The following GLIS3 variants were observed in gnomAD, a reference collection of about 807,000 sequenced individuals.
GLIS3 encodes the protein zinc finger protein GLIS3.
A neutral mutation model predicts 78.6 loss-of-function variants in GLIS3; 53 were observed. The observed-to-expected ratio is 0.67, with a 90% CI of 0.54 to 0.85. GLIS3 has a LOEUF of 0.85. Ranked by LOEUF, GLIS3 falls within the 40% of genes least tolerant of loss-of-function variation. GLIS3 has a pLI of 0.00. For synonymous variants in GLIS3, 684 were observed against 509.9 expected (o/e 1.34, Z -4.60); for missense variants, 1,703 against 1,231.1 (o/e 1.38, Z -5.74).
intron 2 of GLIS3, among the ~76,000 whole-genome samples, chr9:4,316,586 T>C (rs1429615137): frequency 6.6e-6 from 1 of 152,190 alleles, no homozygotes; most frequent in East Asian, 1.9e-4. Context: ...TTTCCACCCA[T>C]ACCCCAAAGT....
At chr9:4,183,401 T>C (rs1817500583) in intron 2 of GLIS3, among the ~76,000 whole-genome samples, 2 of 152,204 alleles carry the variant, frequency 1.3e-5, no homozygotes, top group African/African-American at 4.8e-5. Flanking sequence ...TAATAGATAT[T>C]CTGAGCAAAG....
At chr9:4,256,930 G>A (rs78652854) in intron 2 of GLIS3, among the ~76,000 whole-genome samples, 5,977 of 152,186 alleles carry the variant, frequency 0.039, 347 homozygotes, top group African/African-American at 0.13. Context: ...CAATAGCCAC[G>A]ATATTGAAAC....
the GLIS3 span, among the ~76,000 whole-genome samples, chr9:4,372,981 G>A: frequency 2.0e-5 from 3 of 152,178 alleles, no homozygotes; most frequent in Non-Finnish European, 2.9e-5. Flanking sequence ...ATTGGTACTA[G>A]TAGGTACTGC....
At chr9:4,193,296 T>G (rs1172049029) in intron 2 of GLIS3, among the ~76,000 whole-genome samples, 1 of 152,224 alleles carries the variant, frequency 6.6e-6, no homozygotes, top group Non-Finnish European at 1.5e-5. Flanking sequence ...CAAATCTTGG[T>G]GCCAATAAAT....
At chr9:4,114,153 C>A (rs1259297857) in intron 4 of GLIS3, among the ~76,000 whole-genome samples, 1 of 152,122 alleles carries the variant, frequency 6.6e-6, no homozygotes, top group Non-Finnish European at 1.5e-5. Context: ...CACTCTGCCC[C>A]AGATAGGCAG....
At chr9:4,409,948 G>A in the GLIS3 span, among the ~76,000 whole-genome samples, 2 of 152,048 alleles carry the variant, frequency 1.3e-5, no homozygotes, top group Admixed American at 1.3e-4. Context: ...AAATAATGTG[G>A]TTTAAAAACT....
intron 2 of GLIS3, among the ~76,000 whole-genome samples, chr9:4,132,825 C>A (rs912706304): frequency 6.6e-6 from 1 of 152,162 alleles, no homozygotes; most frequent in African/African-American, 2.4e-5. Flanking sequence ...GTTACAGAAA[C>A]AGAAATATAC....
intron 2 of GLIS3, among the ~76,000 whole-genome samples, chr9:4,318,205 G>T (rs1261502620): frequency 1.3e-5 from 2 of 152,156 alleles, no homozygotes; most frequent in African/African-American, 4.8e-5. Flanking sequence ...TGGAAAGTGG[G>T]GAGGTAAGGA....
the GLIS3 span, among the ~76,000 whole-genome samples, chr9:4,483,956 G>A: frequency 6.6e-6 from 1 of 152,174 alleles, no homozygotes; most frequent in Non-Finnish European, 1.5e-5. Context: ...CTGAGATACT[G>A]AGAGGACCAA....
chr9:4,043,318 C>T (rs1824982604), intron 4 of GLIS3, among the ~76,000 whole-genome samples: 2 of 151,738 alleles, frequency 1.3e-5, no homozygotes, highest in Non-Finnish European at 2.9e-5. Flanking sequence ...ATCCAGTTTT[C>T]TTAGTTTTGA....
intron 9 of GLIS3, among the ~76,000 whole-genome samples, chr9:3,853,013 AGC>A (rs1182070328): frequency 6.6e-6 from 1 of 152,282 alleles, no homozygotes; most frequent in East Asian, 1.9e-4. Context: ...GTTCAAGACC[AGC>A]CTGGGCAACA....
chr9:4,228,930 C>T (rs1314179263), intron 2 of GLIS3, among the ~76,000 whole-genome samples: 2 of 152,202 alleles, frequency 1.3e-5, no homozygotes, highest in Admixed American at 6.5e-5. Context: ...ATAAAACAAA[C>T]ATGTCATGGA....
the GLIS3 span, among the ~76,000 whole-genome samples, chr9:4,455,832 G>T: frequency 6.6e-6 from 1 of 152,126 alleles, no homozygotes; most frequent in Non-Finnish European, 1.5e-5. Flanking sequence ...TTATGTTTAG[G>T]CCGGGTGTGG....
chr9:4,225,181 G>A (rs1464330159), intron 2 of GLIS3, among the ~76,000 whole-genome samples: 1 of 152,144 alleles, frequency 6.6e-6, no homozygotes. Flanking sequence ...AATAAGATGA[G>A]ACCAGTTTTT....
chr9:4,020,681 CTA>C (rs777101299), intron 4 of GLIS3, among the ~76,000 whole-genome samples: 5 of 152,196 alleles, frequency 3.3e-5, no homozygotes, highest in Non-Finnish European at 7.3e-5. Flanking sequence ...GAGCTTCCAG[CTA>C]TGAGATGCAT....
intron 2 of GLIS3, among the ~76,000 whole-genome samples, chr9:4,311,604 C>A (rs1157355411): frequency 1.3e-5 from 2 of 152,162 alleles, no homozygotes; most frequent in African/African-American, 4.8e-5. Context: ...TCCCCAGCTC[C>A]TACCCCTACC....
intron 4 of GLIS3, among the ~76,000 whole-genome samples, chr9:4,108,744 C>A (rs192071533): frequency 3.9e-5 from 6 of 152,260 alleles, no homozygotes; most frequent in African/African-American, 7.2e-5. Context: ...GAAAAGATAA[C>A]TGTCTGGTGA....
chr9:4,308,138 G>T (rs955128814), intron 4 of GLIS3, among the ~76,000 whole-genome samples: 2 of 152,056 alleles, frequency 1.3e-5, no homozygotes, highest in African/African-American at 4.8e-5. Context: ...GCTTCTCCAG[G>T]AGCATTGTGG....
In GLIS3 at chr9:4,103,916, T is replaced by C. The variant is rs117828302; in HGVS notation, c.1710+13852A>G. Among the ~76,000 whole-genome samples the C allele has an allele frequency of 1.1e-4, 16 of 152,118 alleles. 1 individual carries two copies. In the East Asian group the frequency reaches 3.1e-3, roughly 29 times the overall value. ...GCAATTCTCCTTGATACATCCAAGG[T>C]GGAGTAAGGGTAACACAGCAACGCA... On this transcript the variant is annotated intron_variant, in intron 4 of 10. Coordinates refer to ENST00000381971, the MANE Select transcript of GLIS3 (RefSeq NM_001042413.2).
Sources: gnomAD v4.1 joint callset for allele counts (sites outside exome capture counted in the v4.1 genomes callset) on GRCh38, gnomAD v4.1.1 for gene constraint, MANE v1.5 for transcripts, NCBI Gene and HGNC (gene_info 2026-07-23, HGNC 2026-07-21) for gene names.